The following ANKS1B variants were observed in gnomAD, a reference collection of about 807,000 sequenced individuals.
ANKS1B encodes the protein ankyrin repeat and sterile alpha motif domain-containing protein 1B.
In ANKS1B, 36 loss-of-function variants were observed where a neutral mutation model predicts 148.3. The observed-to-expected ratio is 0.24, with a 90% CI of 0.19 to 0.32. The LOEUF is 0.32. Ranked by LOEUF, ANKS1B falls within the 10% of genes least tolerant of loss-of-function variation. The probability of loss-of-function intolerance (pLI) is 1.00; values close to 1 mark genes in which losing one functional copy is unlikely to be tolerated. For missense variants in ANKS1B, 1,157 were observed against 1,542.6 expected (o/e 0.75, Z 4.19); for synonymous variants, 542 against 560.8 (o/e 0.97, Z 0.47).
intron 17 of ANKS1B, among the ~76,000 whole-genome samples, chr12:98,966,630 C>G (rs907805824): frequency 1.3e-5 from 2 of 152,064 alleles, no homozygotes; most frequent in African/African-American, 4.8e-5. Context: ...TTCACAATAG[C>G]AAAGACTTGG....
chr12:99,778,470 T>C (rs1406760401), intron 6 of ANKS1B, among the ~76,000 whole-genome samples: 2 of 141,436 alleles, frequency 1.4e-5, no homozygotes, highest in African/African-American at 5.4e-5. Flanking sequence ...ATTGCACCAC[T>C]GCACTCCAGC....
chr12:98,795,851 T>C (rs1043611958), intron 22 of ANKS1B, among the ~76,000 whole-genome samples: 2 of 152,170 alleles, frequency 1.3e-5, no homozygotes, highest in Non-Finnish European at 2.9e-5. Flanking sequence ...ACTTAACTTC[T>C]CTTGGACTTT....
At chr12:99,336,185 T>A (rs1311918735) in intron 12 of ANKS1B, among the ~76,000 whole-genome samples, 1 of 152,196 alleles carries the variant, frequency 6.6e-6, no homozygotes, top group Non-Finnish European at 1.5e-5. Context: ...AGATGTCTAT[T>A]CACATCTTTT....
At chr12:99,710,406 T>G (rs2056462608) in intron 8 of ANKS1B, among the ~76,000 whole-genome samples, 2 of 152,142 alleles carry the variant, frequency 1.3e-5, no homozygotes. Flanking sequence ...GTTCTGAGTC[T>G]GCTTGAGTAA....
At chr12:99,589,606 A>G (rs1315044942) in intron 9 of ANKS1B, among the ~76,000 whole-genome samples, 1 of 152,198 alleles carries the variant, frequency 6.6e-6, no homozygotes, top group Non-Finnish European at 1.5e-5. Flanking sequence ...AATCTATACA[A>G]AAGCCTTAAA....
chr12:98,745,640 T>C lies in ANKS1B; in HGVS notation c.*99A>G. On this transcript the variant is annotated 3_prime_UTR_variant, in exon 27 of 27. Coordinates refer to ENST00000683438, the MANE Select transcript of ANKS1B (RefSeq NM_001352186.2). ...TAACAAGGCCGCACGCTCAGAGCAG[T>C]CTTCCTCCTGGGCTGGGTGGACGCG... The C allele has an allele frequency of 3.3e-6, 5 of 1,531,590 alleles. No individual in the cohort carries two copies. The highest frequency in any genetic ancestry group is 4.4e-6 in the Non-Finnish European group (5 of 1,138,158). The allele number at this position is 1,531,590 out of a possible 1,614,324, so 94.9% of individuals were successfully genotyped here.
At chr12:98,938,621 T>C (rs1273920748) in intron 17 of ANKS1B, among the ~76,000 whole-genome samples, 1 of 152,226 alleles carries the variant, frequency 6.6e-6, no homozygotes, top group Non-Finnish European at 1.5e-5. Flanking sequence ...TTTGTAAGGT[T>C]AAGATGTGTC....
intron 8 of ANKS1B, among the ~76,000 whole-genome samples, chr12:99,703,350 G>A (rs2055179615): frequency 6.6e-6 from 1 of 152,088 alleles, no homozygotes; most frequent in South Asian, 2.1e-4. Context: ...GAAACATCAT[G>A]TCTAATGTAT....
chr12:99,209,498 C>T (rs923037158), intron 14 of ANKS1B, among the ~76,000 whole-genome samples: 2 of 152,138 alleles, frequency 1.3e-5, no homozygotes, highest in African/African-American at 4.8e-5. Context: ...GCTCTGAAAA[C>T]AAGACCTGCT....
intron 8 of ANKS1B, among the ~76,000 whole-genome samples, chr12:99,710,936 C>T (rs1205596337): frequency 2.6e-5 from 4 of 152,058 alleles, no homozygotes; most frequent in African/African-American, 7.2e-5. Flanking sequence ...TGTGTTAATT[C>T]CTTTTTTTAA....
intron 12 of ANKS1B, among the ~76,000 whole-genome samples, chr12:99,317,906 G>T (rs1313371216): frequency 2.0e-5 from 3 of 152,134 alleles, no homozygotes; most frequent in Non-Finnish European, 4.4e-5. Context: ...GGCCTTTTCT[G>T]CATCTATTGA....
intron 17 of ANKS1B, among the ~76,000 whole-genome samples, chr12:99,046,805 CTT>C (rs777803455): frequency 3.3e-4 from 24 of 73,422 alleles, no homozygotes; most frequent in Non-Finnish European, 4.4e-4. Flanking sequence ...GAGACTCTGT[CTT>C]AAAAAAAAAG....
intron 9 of ANKS1B, among the ~76,000 whole-genome samples, chr12:99,560,324 T>C (rs1035908997): frequency 2.6e-5 from 4 of 152,132 alleles, no homozygotes; most frequent in Non-Finnish European, 4.4e-5. Context: ...TCAATAGATA[T>C]GTTGTTTTTT....
intron 9 of ANKS1B, among the ~76,000 whole-genome samples, chr12:99,611,104 T>C (rs1276373091): frequency 6.6e-6 from 1 of 152,104 alleles, no homozygotes; most frequent in Non-Finnish European, 1.5e-5. Context: ...TTCAATTTCA[T>C]AAACATATTT....
At chr12:99,206,567 T>C (rs903934506) in intron 14 of ANKS1B, among the ~76,000 whole-genome samples, 1 of 152,212 alleles carries the variant, frequency 6.6e-6, no homozygotes, top group African/African-American at 2.4e-5. Flanking sequence ...AAATTAAATC[T>C]ACTATCCTTT....
intron 9 of ANKS1B, among the ~76,000 whole-genome samples, chr12:99,518,254 C>T (rs1003306332): frequency 2.0e-5 from 3 of 151,980 alleles, no homozygotes; most frequent in African/African-American, 7.3e-5. Context: ...GTATTCTCTC[C>T]TCCTCTACTT....
At chr12:98,958,520 C>T (rs566902567) in intron 17 of ANKS1B, among the ~76,000 whole-genome samples, 1 of 152,186 alleles carries the variant, frequency 6.6e-6, no homozygotes, top group Non-Finnish European at 1.5e-5. Context: ...GTAGGATGAA[C>T]CTTCCATGAC....
intron 1 of ANKS1B, among the ~76,000 whole-genome samples, chr12:99,912,599 G>A (rs1314414234): frequency 6.6e-6 from 1 of 152,046 alleles, no homozygotes; most frequent in African/African-American, 2.4e-5. Flanking sequence ...CAATCTGCCC[G>A]TTTCAGCCTC....
At chr12:99,812,045 A>T in intron 3 of ANKS1B, 110 bp downstream of exon 3, 1 of 1,286,510 alleles carries the variant, frequency 7.8e-7, no homozygotes, top group Non-Finnish European at 1.0e-6. Flanking sequence ...GAAATTCAGC[A>T]ATGGAAAGGC....
Sources: allele counts gnomAD v4.1 joint callset (sites outside exome capture counted in the v4.1 genomes callset), GRCh38; gene constraint gnomAD v4.1.1; transcripts MANE v1.5; gene names NCBI Gene and HGNC (gene_info 2026-07-23, HGNC 2026-07-21).